The following ANKS1B variants were observed in gnomAD, a reference collection of about 807,000 sequenced individuals.
The protein encoded by ANKS1B is ankyrin repeat and sterile alpha motif domain-containing protein 1B.
In ANKS1B, 36 loss-of-function variants were observed where a neutral mutation model predicts 148.3. The observed-to-expected ratio is 0.24, with a 90% confidence interval of 0.19 to 0.32. ANKS1B has a LOEUF of 0.32. ANKS1B is among the 10% of genes least tolerant of loss of function. ANKS1B has a pLI of 1.00. For synonymous variants in ANKS1B, 542 were observed against 560.8 expected (o/e 0.97, Z 0.47); for missense variants, 1,157 against 1,542.6 (o/e 0.75, Z 4.19).
rs903964273 is a variant in ANKS1B, at chr12:98,946,872, C to T, written c.2778+106285G>A. ...GGAGGACCACTTGAGCCCAGGAGTT[C>T]GAGACGGCAGTGAGCTATGATTGAG... On this transcript the variant is annotated intron_variant, in intron 17 of 26. Transcript: ENST00000683438. Among the ~76,000 whole-genome samples the T allele has an allele frequency of 4.5e-5, 6 of 134,378 alleles. No homozygotes were observed. The East Asian group carries it at 1.2e-3, about 26-fold the overall frequency. 88.2% of individuals were successfully genotyped at this position (134,378 alleles called of 152,430 possible).
intron 17 of ANKS1B, among the ~76,000 whole-genome samples, chr12:98,849,334 C>T (rs985132068): frequency 2.6e-5 from 4 of 151,958 alleles, no homozygotes; most frequent in Non-Finnish European, 1.5e-5. Flanking sequence ...AGCCTCCCTG[C>T]AGGAAAATTA....
chr12:98,938,315 T>C (rs544592106), intron 17 of ANKS1B, among the ~76,000 whole-genome samples: 2 of 152,300 alleles, frequency 1.3e-5, no homozygotes, highest in South Asian at 2.1e-4. Context: ...AAAATCTTAA[T>C]CAAGTGACGT....
chr12:99,750,405 T>G (rs1047949813), intron 8 of ANKS1B, among the ~76,000 whole-genome samples: 2 of 152,112 alleles, frequency 1.3e-5, no homozygotes, highest in African/African-American at 4.8e-5. Flanking sequence ...AATAAATTCA[T>G]GTTTATACTA....
chr12:99,214,758 GTTGGAACACTTTGGAGGGC>G (rs1430992543), intron 14 of ANKS1B, among the ~76,000 whole-genome samples: 3 of 152,242 alleles, frequency 2.0e-5, no homozygotes, highest in Non-Finnish European at 2.9e-5. Flanking sequence ...ACAGGCAGAG[GTTGGAACACTTTGGAGGGC>G]TCAGAAAAGA....
chr12:99,044,413 C>T (rs1033425051), intron 17 of ANKS1B, among the ~76,000 whole-genome samples: 5 of 149,574 alleles, frequency 3.3e-5, no homozygotes, highest in Admixed American at 6.6e-5. Flanking sequence ...AGTCCAGGAG[C>T]GGAAAGACTT....
chr12:99,162,788 G>A (rs963903598), intron 14 of ANKS1B, among the ~76,000 whole-genome samples: 2 of 152,168 alleles, frequency 1.3e-5, no homozygotes, highest in Non-Finnish European at 2.9e-5. Context: ...CTGGCCGGGC[G>A]TGGTGGCTCA....
downstream of ANKS1B, among the ~76,000 whole-genome samples, chr12:98,740,104 G>A (rs2097790727): frequency 6.6e-6 from 1 of 152,200 alleles, no homozygotes; most frequent in African/African-American, 2.4e-5. Flanking sequence ...TGGGCTTGTT[G>A]CTGGGGCCAG....
intron 1 of ANKS1B, among the ~76,000 whole-genome samples, chr12:99,840,483 T>C (rs771511607): frequency 2.0e-5 from 3 of 151,824 alleles, no homozygotes; most frequent in Non-Finnish European, 2.9e-5. Context: ...GGGGAAAGGG[T>C]AGAAGCAAGG....
At chr12:99,119,855 G>A (rs181351771) in intron 15 of ANKS1B, among the ~76,000 whole-genome samples, 186 of 152,202 alleles carry the variant, frequency 1.2e-3, no homozygotes, top group African/African-American at 4.4e-3. Flanking sequence ...TTTGACCACA[G>A]TCAAATCAAT....
At chr12:99,308,710 T>A (rs1602670301) in intron 12 of ANKS1B, among the ~76,000 whole-genome samples, 1 of 151,844 alleles carries the variant, frequency 6.6e-6, no homozygotes, top group Non-Finnish European at 1.5e-5. Flanking sequence ...ATGAATAACA[T>A]CTCTATGATA....
chr12:98,984,753 TA>T (rs1568190403), intron 17 of ANKS1B, among the ~76,000 whole-genome samples: 2 of 152,180 alleles, frequency 1.3e-5, no homozygotes, highest in Non-Finnish European at 2.9e-5. Context: ...CTCATGCCTG[TA>T]ATACCAGCAC....
chr12:99,726,856 C>T (rs574784836), intron 8 of ANKS1B, among the ~76,000 whole-genome samples: 272 of 152,106 alleles, frequency 1.8e-3, no homozygotes, highest in Non-Finnish European at 3.1e-3. Flanking sequence ...AATACATGTA[C>T]TCCATCACAC....
At chr12:99,254,799 G>A (rs1349724615) in intron 12 of ANKS1B, among the ~76,000 whole-genome samples, 3 of 152,158 alleles carry the variant, frequency 2.0e-5, no homozygotes, top group Non-Finnish European at 4.4e-5. Context: ...CTGTTAGTGT[G>A]AATGACATTT....
intron 11 of ANKS1B, among the ~76,000 whole-genome samples, chr12:99,410,749 T>C (rs900079196): frequency 5.3e-5 from 8 of 152,222 alleles, no homozygotes; most frequent in Non-Finnish European, 1.0e-4. Context: ...CAGGAACGAC[T>C]GTGATTGAAT....
chr12:99,170,052 C>T (rs1299621403), intron 14 of ANKS1B, among the ~76,000 whole-genome samples: 3 of 152,154 alleles, frequency 2.0e-5, no homozygotes, highest in Non-Finnish European at 4.4e-5. Context: ...ATTCATTATT[C>T]TTGGCTTCTA....
chr12:99,804,144 A>G (rs2067305733), intron 4 of ANKS1B, among the ~76,000 whole-genome samples: 1 of 152,222 alleles, frequency 6.6e-6, no homozygotes, highest in Non-Finnish European at 1.5e-5. Flanking sequence ...CCTCAGTCAG[A>G]GGGGAAGTCC....
At position 99,984,125 on chromosome 12, in the gene ANKS1B, A is replaced by T; in HGVS notation, c.113T>A (p.Leu38Gln). ...TTACCTTAGCAGATTAGACAGGGGC[A>T]GGGGTCCGGATCCACCGCCCAGGAT... ...GGILGGGSGPLPLSNLLSIWR... is the reference protein window; with the variant it reads ...GGILGGGSGPQPLSNLLSIWR... The change falls in exon 1 of 27, where the codon CTG (leucine) becomes CAG (glutamine). Residue 38 changes from leucine to glutamine, a missense_variant. Transcript: ENST00000683438. 1 of 1,613,648 alleles carries T rather than the reference A, an allele frequency of 6.2e-7. No homozygotes were observed. The highest frequency in any genetic ancestry group is 8.5e-7 in the Non-Finnish European group (1 of 1,179,666).
chr12:99,871,505 A>G (rs867312767), intron 1 of ANKS1B, among the ~76,000 whole-genome samples: 2 of 152,072 alleles, frequency 1.3e-5, no homozygotes, highest in South Asian at 4.1e-4. Context: ...TTTGGGAAGT[A>G]TGGCCATTTT....
chr12:99,748,653 A>T (rs2060826793), intron 8 of ANKS1B, among the ~76,000 whole-genome samples: 1 of 152,062 alleles, frequency 6.6e-6, no homozygotes, highest in African/African-American at 2.4e-5. Context: ...GTGGAAGGAG[A>T]TAGAAAATAA....
Sources: allele counts gnomAD v4.1 joint callset (sites outside exome capture counted in the v4.1 genomes callset), GRCh38; gene constraint gnomAD v4.1.1; transcripts MANE v1.5; gene names NCBI Gene and HGNC (gene_info 2026-07-23, HGNC 2026-07-21).